The following RBFOX1 variants were observed in gnomAD, a reference collection of about 807,000 sequenced individuals.
RBFOX1 encodes the protein RNA binding protein fox-1 homolog 1.
A neutral mutation model predicts 57.7 loss-of-function variants in RBFOX1; 8 were observed. The observed-to-expected ratio is 0.14, with a 90% CI of 0.08 to 0.25. The LOEUF (loss-of-function observed/expected upper bound fraction) is 0.25. Among genes scored for constraint, RBFOX1 ranks in the 10% least tolerant of loss-of-function variants. The pLI is 1.00. For missense variants in RBFOX1, 611 were observed against 548.5 expected, an observed-to-expected ratio of 1.11 and a Z score of -1.14; for synonymous variants, 326 against 222.4, an observed-to-expected ratio of 1.47 and a Z score of -4.15.
chr16:6,673,636 GT>G (rs2098782026), intron 3 of RBFOX1, among the ~76,000 whole-genome samples: 1 of 152,152 alleles, frequency 6.6e-6, no homozygotes, highest in Non-Finnish European at 1.5e-5. Flanking sequence ...TGAACACAAA[GT>G]AATGAAATAT....
At chr16:7,012,823 A>G (rs1034741187) in intron 3 of RBFOX1, among the ~76,000 whole-genome samples, 2 of 152,168 alleles carry the variant, frequency 1.3e-5, no homozygotes, top group Non-Finnish European at 2.9e-5. Context: ...TCAGGCTGCC[A>G]TAACAAAATG....
chr16:6,930,904 C>T (rs545605713), intron 3 of RBFOX1, among the ~76,000 whole-genome samples: 3 of 152,012 alleles, frequency 2.0e-5, no homozygotes, highest in East Asian at 3.9e-4. Flanking sequence ...CTCACCATAG[C>T]CGAGTCTTCT....
intron 3 of RBFOX1, among the ~76,000 whole-genome samples, chr16:6,840,480 C>G (rs1366496208): frequency 6.6e-6 from 1 of 152,022 alleles, no homozygotes; most frequent in Non-Finnish European, 1.5e-5. Context: ...TTCATGTCCC[C>G]CTAAATTTGT....
intron 3 of RBFOX1, among the ~76,000 whole-genome samples, chr16:5,781,126 C>G (rs2054309738): frequency 6.6e-6 from 1 of 152,164 alleles, no homozygotes; most frequent in East Asian, 1.9e-4. Context: ...TGTGAGATAA[C>G]CTGCCGAACA....
rs112120584 is a variant in RBFOX1, at chr16:7,698,315, A to G, written c.996-10741A>G. ...GCATTCCCTTAGCAAATCTGGGGAC[A>G]TGTTTTCATCTCAGTTCCTGATGAG... is the stretch of plus-strand genomic sequence containing the variant. On this transcript the variant is annotated intron_variant, in intron 14 of 15. Transcript: ENST00000550418. Among the ~76,000 whole-genome samples, 61 of 152,090 alleles carry G rather than the reference A, an allele frequency of 4.0e-4. 1 individual carries two copies. The highest frequency in any genetic ancestry group is 1.1e-3 in the African/African-American group (46 of 41,482).
At chr16:6,242,234 A>G (rs149711605) in intron 1 of RBFOX1, among the ~76,000 whole-genome samples, 149 of 152,222 alleles carry the variant, frequency 9.8e-4, no homozygotes, top group African/African-American at 3.2e-3. Flanking sequence ...TTCTCTCTAT[A>G]TATAAGTATA....
At chr16:5,882,731 T>C (rs557140981) in intron 4 of RBFOX1, among the ~76,000 whole-genome samples, 2 of 152,238 alleles carry the variant, frequency 1.3e-5, no homozygotes, top group South Asian at 2.1e-4. Flanking sequence ...CATGTGCCAG[T>C]GTTGTCCCTG....
chr16:6,775,326 T>C (rs1333823515), intron 3 of RBFOX1, among the ~76,000 whole-genome samples: 1 of 92,812 alleles, frequency 1.1e-5, no homozygotes, highest in African/African-American at 4.9e-5. Context: ...CGAGACTCTG[T>C]CTCAAAAAAA....
At position 7,014,296 on chromosome 16, in the gene RBFOX1, T is replaced by A. The variant is rs1371998603; in HGVS notation, c.-15-37761T>A. Among the ~76,000 whole-genome samples the A allele has an allele frequency of 2.6e-5, 4 of 152,002 alleles. No individual in the cohort carries two copies. In the East Asian group the frequency reaches 5.9e-4, roughly 22 times the overall value. On this transcript the variant is annotated intron_variant, in intron 3 of 15. Coordinates refer to ENST00000550418, the MANE Select transcript of RBFOX1 (RefSeq NM_018723.4). ...GGCATGATTTTGGCTCACTACAATGTTAGCCTCCTGGGTTCAAGCAATCCT... is the reference window on the plus strand; with the variant it reads ...GGCATGATTTTGGCTCACTACAATGATAGCCTCCTGGGTTCAAGCAATCCT...
At chr16:6,395,444 C>G (rs11863666) in intron 2 of RBFOX1, among the ~76,000 whole-genome samples, 2 of 152,054 alleles carry the variant, frequency 1.3e-5, no homozygotes, top group South Asian at 2.1e-4. Flanking sequence ...TTTAATGGCT[C>G]TGTAACTTTC....
At chr16:7,212,173 G>T (rs1428736555) in intron 4 of RBFOX1, among the ~76,000 whole-genome samples, 1 of 152,164 alleles carries the variant, frequency 6.6e-6, no homozygotes, top group Non-Finnish European at 1.5e-5. Context: ...AGGACTGCTT[G>T]GGGCAGACTG....
At chr16:6,843,460 G>T (rs534852267) in intron 3 of RBFOX1, among the ~76,000 whole-genome samples, 1 of 152,014 alleles carries the variant, frequency 6.6e-6, no homozygotes, top group African/African-American at 2.4e-5. Context: ...AGGCTGAGGC[G>T]GGCAGATCAC....
At chr16:6,305,331 C>T (rs534411218) in intron 1 of RBFOX1, among the ~76,000 whole-genome samples, 1 of 152,186 alleles carries the variant, frequency 6.6e-6, no homozygotes, top group African/African-American at 2.4e-5. Context: ...ATGCCCAGGG[C>T]ATAGGGATGT....
chr16:7,387,441 T>C (rs188886070), intron 4 of RBFOX1, among the ~76,000 whole-genome samples: 246 of 152,322 alleles, frequency 1.6e-3, no homozygotes, highest in Admixed American at 2.6e-3. Flanking sequence ...TTCATTCATA[T>C]ACCCCTGTCT....
At chr16:5,764,532 C>T (rs911629996) in intron 3 of RBFOX1, among the ~76,000 whole-genome samples, 1 of 152,208 alleles carries the variant, frequency 6.6e-6, no homozygotes, top group Admixed American at 6.5e-5. Context: ...TGGCTTAACA[C>T]AGCTTCCCTG....
intron 3 of RBFOX1, among the ~76,000 whole-genome samples, chr16:6,788,664 AC>A (rs2082380506): frequency 6.6e-6 from 1 of 151,052 alleles, no homozygotes; most frequent in South Asian, 2.1e-4. Flanking sequence ...TTTAGTAGAG[AC>A]GGGGTTTCAC....
At chr16:6,561,609 A>C (rs141130889) in intron 2 of RBFOX1, among the ~76,000 whole-genome samples, 1 of 152,240 alleles carries the variant, frequency 6.6e-6, no homozygotes, top group East Asian at 1.9e-4. Flanking sequence ...TTAGGAGGAA[A>C]ATTCAATTCA....
At chr16:6,184,424 AG>A (rs2097091640) in intron 1 of RBFOX1, among the ~76,000 whole-genome samples, 1 of 152,232 alleles carries the variant, frequency 6.6e-6, no homozygotes, top group Non-Finnish European at 1.5e-5. Flanking sequence ...TAAATGGAAC[AG>A]AACTTGCAGG....
chr16:7,062,016 C>A (rs997655641), intron 4 of RBFOX1, among the ~76,000 whole-genome samples: 15 of 151,906 alleles, frequency 9.9e-5, no homozygotes, highest in Non-Finnish European at 4.4e-5. Context: ...CTGAGATGGT[C>A]CCAGGAAAAA....
Sources: allele counts gnomAD v4.1 joint callset (sites outside exome capture counted in the v4.1 genomes callset), GRCh38; gene constraint gnomAD v4.1.1; transcripts MANE v1.5; gene names NCBI Gene and HGNC (gene_info 2026-07-23, HGNC 2026-07-21).